Variants in SPATA13 observed in about 807,000 individuals in gnomAD.
SPATA13 encodes spermatogenesis associated 13.
In SPATA13, 50 loss-of-function variants were observed where a neutral mutation model predicts 104.0. The ratio of observed to expected loss-of-function variants is 0.48; its 90% confidence interval spans 0.38 to 0.61. The LOEUF is 0.61. Among genes scored for constraint, SPATA13 ranks in the 20% least tolerant of loss-of-function variants. The pLI, the probability that SPATA13 is intolerant of heterozygous loss-of-function variation, is 0.00. For missense variants in SPATA13, 1,524 were observed against 1,690.6 expected, an observed-to-expected ratio of 0.90 and a Z score of 1.73; for synonymous variants, 606 against 667.5, an observed-to-expected ratio of 0.91 and a Z score of 1.42.
chr13:24,023,788 A>G (rs1232451680), intron 3 of SPATA13, among the ~76,000 whole-genome samples: 1 of 152,180 alleles, frequency 6.6e-6, no homozygotes, highest in East Asian at 1.9e-4. Context: ...ACTCCCTGAG[A>G]AGCCTCCAGA....
intron 3 of SPATA13, 85 bp downstream of exon 3, chr13:24,249,927 G>A (rs2138661136): frequency 6.7e-7 from 1 of 1,494,438 alleles, no homozygotes. Flanking sequence ...AACTGGATCT[G>A]CTTTTTCTCT....
intron 2 of SPATA13, among the ~76,000 whole-genome samples, chr13:24,242,183 A>G (rs1872876215): frequency 6.6e-6 from 1 of 152,184 alleles, no homozygotes; most frequent in Admixed American, 6.6e-5. Context: ...CAGTTAGGGG[A>G]AGAGGGCCTA....
chr13:24,160,207 G>A (rs1187593146), upstream of SPATA13, among the ~76,000 whole-genome samples: 1 of 152,218 alleles, frequency 6.6e-6, no homozygotes, highest in Non-Finnish European at 1.5e-5. Context: ...TCCCGCCCTG[G>A]GGGGTGGGGG....
intron 3 of SPATA13, among the ~76,000 whole-genome samples, chr13:24,064,234 C>G (rs1878872479): frequency 6.6e-6 from 1 of 152,190 alleles, no homozygotes; most frequent in Non-Finnish European, 1.5e-5. Flanking sequence ...CAACAGACAA[C>G]AAAGCTACTA....
chr13:24,258,242 A>AAT (rs1555273229), intron 4 of SPATA13, among the ~76,000 whole-genome samples: 1 of 151,778 alleles, frequency 6.6e-6, no homozygotes, highest in African/African-American at 2.4e-5. Flanking sequence ...TCTCAAAAAA[A>AAT]AAAAAATAAA....
intron 1 of SPATA13, among the ~76,000 whole-genome samples, chr13:24,182,002 C>T (rs1868847495): frequency 6.6e-6 from 1 of 152,160 alleles, no homozygotes; most frequent in Non-Finnish European, 1.5e-5. Flanking sequence ...AAAATCCCAG[C>T]ACCTCATATA....
chr13:24,108,678 T>C, intron 3 of SPATA13, among the ~76,000 whole-genome samples: 1 of 151,866 alleles, frequency 6.6e-6, no homozygotes, highest in East Asian at 1.9e-4. Context: ...GGAAGCCTGA[T>C]GCTGGGACCC....
intron 2 of SPATA13, among the ~76,000 whole-genome samples, chr13:24,012,879 G>T (rs1876538952): frequency 6.6e-6 from 1 of 152,178 alleles, no homozygotes; most frequent in Non-Finnish European, 1.5e-5. Context: ...GGCTTGGGCT[G>T]GGCTCCCTCC....
At chr13:24,136,939 C>T (rs1344469594) in intron 3 of SPATA13, among the ~76,000 whole-genome samples, 28 of 102,572 alleles carry the variant, frequency 2.7e-4, no homozygotes, top group South Asian at 3.8e-4. Context: ...ACGCCATTCT[C>T]CTGCCTCAGC....
rs1871745807 is a variant in SPATA13 at position 24,223,676 on chromosome 13, CAGG to C, written c.753_755del (p.Arg251del). 1 of 1,552,104 alleles carries C rather than the reference CAGG, an allele frequency of 6.4e-7. No individual in the cohort carries two copies. Among genetic ancestry groups the C allele is most frequent in the African/African-American group, 1.4e-5 (1 of 73,074 alleles). Reference sequence around the variant, plus strand: ...ACCCTGAAAACAACAGCATGGGCTACAGGAGGAGCAAGAGCACGGACAATCTTG... The same window carrying C: ...ACCCTGAAAACAACAGCATGGGCTACAGGAGCAAGAGCACGGACAATCTTG... On this transcript the variant is annotated inframe_deletion, in exon 2 of 13. Coordinates refer to ENST00000382108, the MANE Select transcript of SPATA13 (RefSeq NM_001166271.3).
In SPATA13 at chr13:24,205,319, C is replaced by T. The variant is rs760614249; in HGVS notation, c.-111-17500C>T. On this transcript the variant is annotated intron_variant, in intron 1 of 12. Coordinates refer to ENST00000382108, the MANE Select transcript of SPATA13 (RefSeq NM_001166271.3). This position sits in a 1 kb window ranked among gnomAD's most constrained non-coding sequence, Gnocchi z 4.1. ...ACAGTGGGCAAGCAGAAAGCCAAGC[C>T]ATGAAAGAATTTCCATTTACAATTG... Among the ~76,000 whole-genome samples the T allele has an allele frequency of 2.6e-4, 39 of 152,100 alleles. No individual in the cohort carries two copies. The highest frequency in any genetic ancestry group is 5.4e-4 in the Non-Finnish European group (37 of 68,016).
intron 3 of SPATA13, among the ~76,000 whole-genome samples, chr13:24,089,754 A>G (rs1421553847): frequency 6.6e-6 from 1 of 152,232 alleles, no homozygotes; most frequent in African/African-American, 2.4e-5. Flanking sequence ...TGCCATAACA[A>G]AATCCACAGA....
Position 24,224,150 on chromosome 13 carries a change from T to C in SPATA13, c.1221T>C (p.Thr407=). 1 of 1,551,718 alleles carries C rather than the reference T, an allele frequency of 6.4e-7. No individual in the cohort carries two copies. Among genetic ancestry groups the C allele is most frequent in the Non-Finnish European group, 8.7e-7 (1 of 1,146,998 alleles). The part of the protein sequence containing the change: ...TSKGPHLDAD[T]AVFPLETKSS... Reference sequence around the variant, plus strand: ...AGGGGCCCCACCTAGACGCTGACACTGCCGTATTTCCTCTTGAAACCAAAA... The same window carrying C: ...AGGGGCCCCACCTAGACGCTGACACCGCCGTATTTCCTCTTGAAACCAAAA... Residue 407 remains threonine, a synonymous_variant, in exon 2 of 13, where the codon ACT becomes ACC. Transcript: ENST00000382108.
chr13:24,184,380 G>A (rs1869011882), intron 1 of SPATA13, among the ~76,000 whole-genome samples: 2 of 152,208 alleles, frequency 1.3e-5, no homozygotes, highest in African/African-American at 4.8e-5. Context: ...TGCACCTGCT[G>A]TGCGGGTCCC....
chr13:24,182,494 C>CAGAG lies in SPATA13; in HGVS notation c.-112+21575_-112+21578dup, dbSNP rs60047720. Among the ~76,000 whole-genome samples the CAGAG allele has an allele frequency of 2.6e-4, 38 of 148,940 alleles. No homozygotes were observed. The South Asian group carries it at 3.0e-3, about 12-fold the overall frequency. On this transcript the variant is annotated intron_variant, in intron 1 of 12. Coordinates refer to ENST00000382108, the MANE Select transcript of SPATA13 (RefSeq NM_001166271.3). Reference sequence around the variant, plus strand: ...GATGAGAGAGGAAGTGAGAGAGAGACAGAGAGAGAGAGAGAGCGCAGGAAA... The same window carrying CAGAG: ...GATGAGAGAGGAAGTGAGAGAGAGACAGAGAGAGAGAGAGAGAGAGCGCAGGAAA...
At chr13:24,219,207 A>G (rs1472929604) in intron 1 of SPATA13, among the ~76,000 whole-genome samples, 2 of 152,164 alleles carry the variant, frequency 1.3e-5, no homozygotes, top group African/African-American at 4.8e-5. Context: ...TTGAGGTCAA[A>G]TTATTAGTTC....
intron 3 of SPATA13, among the ~76,000 whole-genome samples, chr13:24,042,047 T>C (rs1258376007): frequency 6.6e-6 from 1 of 152,190 alleles, no homozygotes; most frequent in African/African-American, 2.4e-5. Context: ...GGCAGCCACG[T>C]GTGTCACATT....
chr13:24,227,093 C>A (rs933579647), intron 2 of SPATA13, among the ~76,000 whole-genome samples: 8 of 152,158 alleles, frequency 5.3e-5, no homozygotes, highest in African/African-American at 1.9e-4. Flanking sequence ...CCTGTTTGTA[C>A]AACTGACCAA....
At position 24,205,157 on chromosome 13, in the gene SPATA13, T is replaced by C. The variant is rs537383610; in HGVS notation, c.-111-17662T>C. Among the ~76,000 whole-genome samples, 1 of 152,214 alleles carries C rather than the reference T, an allele frequency of 6.6e-6. No individual in the cohort carries two copies. Among genetic ancestry groups the C allele is most frequent in the Non-Finnish European group, 1.5e-5 (1 of 68,048 alleles). On this transcript the variant is annotated intron_variant, in intron 1 of 12. Coordinates refer to ENST00000382108, the MANE Select transcript of SPATA13 (RefSeq NM_001166271.3). This position sits in a 1 kb window ranked among gnomAD's most constrained non-coding sequence, Gnocchi z 4.1. ...GGAAGAGAGGAAGTCAAACTATCCCTGTTTGCAGATGACATGATTCTGTAT... is the reference window on the plus strand; with the variant it reads ...GGAAGAGAGGAAGTCAAACTATCCCCGTTTGCAGATGACATGATTCTGTAT...
Sources: gnomAD v4.1 joint callset for allele counts (sites outside exome capture counted in the v4.1 genomes callset) on GRCh38, gnomAD v4.1.1 for gene constraint, Gnocchi (gnomAD v3.1) non-coding constraint, MANE v1.5 for transcripts, NCBI Gene and HGNC (gene_info 2026-07-23, HGNC 2026-07-21) for gene names.